The following ADAMTS17 variants were observed in gnomAD, a reference collection of about 807,000 sequenced individuals.
The protein encoded by ADAMTS17 is ADAM metallopeptidase with thrombospondin type 1 motif 17, also known as A disintegrin and metalloproteinase with thrombospondin motifs 17.
A neutral mutation model predicts 141.5 loss-of-function variants in ADAMTS17; 113 were observed. The observed-to-expected ratio is 0.80, with a 90% CI of 0.69 to 0.93. The LOEUF is 0.93. ADAMTS17 is among the 40% of genes least tolerant of loss of function. The pLI, the probability that ADAMTS17 is intolerant of heterozygous loss-of-function variation, is 0.00. For synonymous variants in ADAMTS17, 768 were observed against 630.6 expected, an observed-to-expected ratio of 1.22 and a Z score of -3.27; for missense variants, 1,659 against 1,517.9, an observed-to-expected ratio of 1.09 and a Z score of -1.54.
chr15:99,983,665 G>C (rs184592296), intron 20 of ADAMTS17, among the ~76,000 whole-genome samples: 21 of 152,286 alleles, frequency 1.4e-4, no homozygotes, highest in Admixed American at 7.8e-4. Flanking sequence ...AGGCAGGGCT[G>C]CCCCCCACTG....
At chr15:100,093,290 A>C (rs1453994560) in intron 15 of ADAMTS17, among the ~76,000 whole-genome samples, 1 of 152,134 alleles carries the variant, frequency 6.6e-6, no homozygotes, top group Admixed American at 6.5e-5. Flanking sequence ...GAACTTTGGT[A>C]AGAGGACCCA....
intron 3 of ADAMTS17, among the ~76,000 whole-genome samples, chr15:100,300,146 C>T (rs2044977318): frequency 6.6e-6 from 1 of 152,166 alleles, no homozygotes; most frequent in South Asian, 2.1e-4. Context: ...ATACCTCCAA[C>T]ATGCCCAGGG....
chr15:100,145,287 C>G (rs1203897985), intron 10 of ADAMTS17, among the ~76,000 whole-genome samples: 1 of 152,216 alleles, frequency 6.6e-6, no homozygotes, highest in East Asian at 1.9e-4. Context: ...ATGGTGTTCT[C>G]AATTCCTACA....
At chr15:99,982,094 T>C (rs2060492380) in intron 20 of ADAMTS17, among the ~76,000 whole-genome samples, 1 of 152,034 alleles carries the variant, frequency 6.6e-6, no homozygotes, top group Admixed American at 6.5e-5. Context: ...GATAACAAAC[T>C]CTTGTTTGTA....
At position 100,070,614 on chromosome 15, in the gene ADAMTS17, A is replaced by C. The variant is rs1230961487; in HGVS notation, c.2138-16560T>G. 1.3e-5 allele frequency among the ~76,000 whole-genome samples: 2 copies of C among 150,164 alleles called. 1 individual carries two copies. The highest frequency in any genetic ancestry group is 3.0e-5 in the Non-Finnish European group (2 of 67,528). ...CACTCAAAACTGCTCAACTACATGGAAACTGAACAACCTGCTCCTGAATGA... is the reference window on the plus strand; with the variant it reads ...CACTCAAAACTGCTCAACTACATGGCAACTGAACAACCTGCTCCTGAATGA... On this transcript the variant is annotated intron_variant, in intron 15 of 21. Transcript: ENST00000268070.
intron 1 of ADAMTS17, 142 bp downstream of exon 1, chr15:100,341,679 T>A: frequency 8.9e-7 from 1 of 1,120,216 alleles, no homozygotes; most frequent in Non-Finnish European, 1.2e-6. Context: ...ATTCCCGTAC[T>A]CCGGCCGCGG....
chr15:100,036,476 G>A (rs1394032759), intron 18 of ADAMTS17, among the ~76,000 whole-genome samples: 3 of 152,216 alleles, frequency 2.0e-5, no homozygotes, highest in East Asian at 1.9e-4. Flanking sequence ...CCCAAGTCCC[G>A]AGATATCGTG....
chr15:100,139,833 G>A lies in ADAMTS17; in HGVS notation c.1474-6518C>T, dbSNP rs549511004. 7.2e-5 allele frequency among the ~76,000 whole-genome samples: 11 copies of A among 152,292 alleles called. No homozygotes were observed. In the South Asian group the frequency reaches 2.1e-3, roughly 29 times the overall value. On this transcript the variant is annotated intron_variant, in intron 10 of 21. Transcript: ENST00000268070. The stretch of plus-strand genomic sequence containing the variant: ...GAGGAACTGTTATTGGAGGAGACCA[G>A]AGACATGACAACTAAACGTGAAATA...
chr15:100,201,054 C>T (rs1477671333), intron 7 of ADAMTS17, among the ~76,000 whole-genome samples: 1 of 152,202 alleles, frequency 6.6e-6, no homozygotes, highest in Non-Finnish European at 1.5e-5. Flanking sequence ...AAAATGACCC[C>T]TCCTTCCTGC....
chr15:100,294,774 G>A (rs1269084658), intron 3 of ADAMTS17, among the ~76,000 whole-genome samples: 1 of 152,206 alleles, frequency 6.6e-6, no homozygotes, highest in African/African-American at 2.4e-5. Flanking sequence ...AGGGGGAGTG[G>A]AGGTTGTAAT....
chr15:100,117,214 G>C (rs912321504), intron 12 of ADAMTS17, among the ~76,000 whole-genome samples: 1 of 152,118 alleles, frequency 6.6e-6, no homozygotes, highest in Non-Finnish European at 1.5e-5. Context: ...CCTCTGAAAG[G>C]TGCATGAGAG....
Position 100,341,791 on chromosome 15 carries a change from G to A in ADAMTS17, c.79+30C>T, listed in dbSNP as rs761977587. 5.2e-6 allele frequency: 8 copies of A among 1,546,102 alleles called. No homozygotes were observed. The South Asian group carries it at 7.2e-5, about 14-fold the overall frequency. On this transcript the variant is annotated intron_variant, in intron 1 of 21. Coordinates refer to ENST00000268070, the MANE Select transcript of ADAMTS17 (RefSeq NM_139057.4). ...GAGGGAAGGTAGCCGCAGGACGCGGGGTGAAGAGGGCTGTGGGAGGGGGCG... is the reference window on the plus strand; with the variant it reads ...GAGGGAAGGTAGCCGCAGGACGCGGAGTGAAGAGGGCTGTGGGAGGGGGCG...
At chr15:100,108,292 C>T (rs1269833302) in intron 14 of ADAMTS17, among the ~76,000 whole-genome samples, 1 of 152,120 alleles carries the variant, frequency 6.6e-6, no homozygotes, top group African/African-American at 2.4e-5. Flanking sequence ...CTGCCTCAGC[C>T]TCCCGAGTAG....
At chr15:100,030,959 C>A (rs965907932) in intron 18 of ADAMTS17, among the ~76,000 whole-genome samples, 1 of 152,166 alleles carries the variant, frequency 6.6e-6, no homozygotes, top group Non-Finnish European at 1.5e-5. Flanking sequence ...TGTTCATCAT[C>A]GATATAGTTT....
intron 3 of ADAMTS17, among the ~76,000 whole-genome samples, chr15:100,282,882 T>C (rs2044330723): frequency 6.6e-6 from 1 of 152,198 alleles, no homozygotes; most frequent in African/African-American, 2.4e-5. Flanking sequence ...GCATGTATAG[T>C]TAGATCATGA....
chr15:100,275,934 G>C (rs897380253), intron 4 of ADAMTS17, among the ~76,000 whole-genome samples: 2 of 138,374 alleles, frequency 1.4e-5, no homozygotes, highest in Non-Finnish European at 3.1e-5. Context: ...GTACTGTCTG[G>C]GTTATGCCTT....
At chr15:100,004,617 CTTTTT>C (rs10591279) in intron 18 of ADAMTS17, among the ~76,000 whole-genome samples, 186 of 116,164 alleles carry the variant, frequency 1.6e-3, no homozygotes, top group Middle Eastern at 4.7e-3. Flanking sequence ...TACTGTAATT[CTTTTT>C]TTTTTTTTTT....
intron 10 of ADAMTS17, among the ~76,000 whole-genome samples, chr15:100,150,646 C>T (rs2039117838): frequency 6.6e-6 from 1 of 152,144 alleles, no homozygotes; most frequent in Non-Finnish European, 1.5e-5. Context: ...AGCTCCGGCT[C>T]TCATGGAGCA....
intron 7 of ADAMTS17, among the ~76,000 whole-genome samples, chr15:100,227,995 T>C (rs1001799988): frequency 6.6e-6 from 1 of 152,178 alleles, no homozygotes; most frequent in Non-Finnish European, 1.5e-5. Flanking sequence ...TCTTTGATGA[T>C]GAATCCCGAC....
Sources: gnomAD v4.1 joint callset for allele counts (sites outside exome capture counted in the v4.1 genomes callset) on GRCh38, gnomAD v4.1.1 for gene constraint, MANE v1.5 for transcripts, NCBI Gene and HGNC (gene_info 2026-07-23, HGNC 2026-07-21) for gene names.